EPS8: variants seen among roughly 807,000 people sequenced by gnomAD.
EPS8 encodes EGFR pathway substrate 8, signaling adaptor.
EPS8 carries 42 observed loss-of-function variants against 103.8 expected under a neutral mutation model. The ratio of observed to expected loss-of-function variants is 0.40; its 90% CI spans 0.32 to 0.52. The LOEUF (loss-of-function observed/expected upper bound fraction) is 0.52. Ranked by LOEUF, EPS8 falls within the 20% of genes least tolerant of loss-of-function variation. EPS8 has a pLI of 0.40. For missense variants in EPS8, 969 were observed against 1,005.1 expected, an observed-to-expected ratio of 0.96 and a Z score of 0.49; for synonymous variants, 344 against 344.6, an observed-to-expected ratio of 1.00 and a Z score of 0.02.
chr12:15,732,079 C>A (rs1228028378), intron 1 of EPS8, among the ~76,000 whole-genome samples: 1 of 152,124 alleles, frequency 6.6e-6, no homozygotes, highest in African/African-American at 2.4e-5. Flanking sequence ...AAAACTCTAA[C>A]CCTATTCCCA....
intron 1 of EPS8, among the ~76,000 whole-genome samples, chr12:15,712,211 T>G (rs1349370197): frequency 6.6e-6 from 1 of 152,102 alleles, no homozygotes; most frequent in Non-Finnish European, 1.5e-5. Flanking sequence ...TATTTAAACA[T>G]TTACAAGTTC....
intron 8 of EPS8, 90 bp downstream of exon 8, chr12:15,665,666 G>T: frequency 6.8e-7 from 1 of 1,480,878 alleles, no homozygotes; most frequent in Non-Finnish European, 9.4e-7. Flanking sequence ...TCAAGCTTCA[G>T]TTCTGAAATC....
At chr12:15,668,625 A>G (rs1434911025) in intron 6 of EPS8, among the ~76,000 whole-genome samples, 1 of 152,164 alleles carries the variant, frequency 6.6e-6, no homozygotes, top group Non-Finnish European at 1.5e-5. Flanking sequence ...TGGCTCAACT[A>G]TTTTCACATA....
In EPS8 at chr12:15,731,470, G is replaced by T. The variant is rs1321170582; in HGVS notation, c.-21-48498C>A. Among the ~76,000 whole-genome samples the T allele has an allele frequency of 2.6e-5, 4 of 151,992 alleles. No individual in the cohort carries two copies. Among genetic ancestry groups the T allele is most frequent in the Non-Finnish European group, 4.4e-5 (3 of 67,998 alleles). On this transcript the variant is annotated intron_variant, in intron 1 of 20. Coordinates refer to ENST00000281172, the MANE Select transcript of EPS8 (RefSeq NM_004447.6). The surrounding 1 kb of genome is among the most constrained non-coding windows in gnomAD (Gnocchi z 5.1). The stretch of plus-strand genomic sequence containing the variant: ...CTGCCACCACGCCTGGCTAATTTTT[G>T]TATTTTTAGTAGAAACGGGGTTTCA...
chr12:15,785,922 AATAT>A lies in EPS8; in HGVS notation c.-22+3235_-22+3238del, dbSNP rs138935696. Among the ~76,000 whole-genome samples the A allele has an allele frequency of 6.6e-6, 1 of 151,346 alleles. No homozygotes were observed. The highest frequency in any genetic ancestry group is 1.5e-5 in the Non-Finnish European group (1 of 67,760). On this transcript the variant is annotated intron_variant, in intron 1 of 20. Coordinates refer to ENST00000281172, the MANE Select transcript of EPS8 (RefSeq NM_004447.6). This position sits in a 1 kb window ranked among gnomAD's most constrained non-coding sequence, Gnocchi z 4.9. The stretch of plus-strand genomic sequence containing the variant: ...AGATAGATAGATTTTATATTTATAT[AATAT>A]ATATATATCCATGAGTCCAGAACAA...
chr12:15,677,412 C>T (rs1945927230), intron 3 of EPS8, among the ~76,000 whole-genome samples: 1 of 152,090 alleles, frequency 6.6e-6, no homozygotes, highest in Non-Finnish European at 1.5e-5. Context: ...TAGTGTCAGA[C>T]CTGAAAAGTG....
chr12:15,657,590 A>G (rs1945530175), intron 12 of EPS8, among the ~76,000 whole-genome samples: 1 of 152,176 alleles, frequency 6.6e-6, no homozygotes, highest in Admixed American at 6.6e-5. Context: ...GAAGGCTCTC[A>G]ATTTGTATTT....
intron 11 of EPS8, 39 bp from the exon 12 acceptor site, chr12:15,658,192 G>A: frequency 7.1e-7 from 1 of 1,410,162 alleles, no homozygotes; most frequent in Non-Finnish European, 1.0e-6. Flanking sequence ...TTACTATCAA[G>A]CAAGACAGAC....
chr12:15,740,236 C>A (rs1946805942), intron 1 of EPS8, among the ~76,000 whole-genome samples: 2 of 152,116 alleles, frequency 1.3e-5, no homozygotes, highest in Non-Finnish European at 1.5e-5. Flanking sequence ...CAAGCATACA[C>A]ACTAAGTTCA....
In EPS8 at chr12:15,736,139, A is replaced by C. The variant is rs905213924; in HGVS notation, c.-22+53022T>G. 1.3e-5 allele frequency among the ~76,000 whole-genome samples: 2 copies of C among 152,186 alleles called. No homozygotes were observed. Among genetic ancestry groups the C allele is most frequent in the Non-Finnish European group, 2.9e-5 (2 of 68,026 alleles). ...TGAGCTCAAGCAATCCTCCTGCCTC[A>C]GCCTGCTAAAGTGCTGGAATTACAA... is the stretch of plus-strand genomic sequence containing the variant. On this transcript the variant is annotated intron_variant, in intron 1 of 20. Transcript: ENST00000281172. This position sits in a 1 kb window ranked among gnomAD's most constrained non-coding sequence, Gnocchi z 4.2.
intron 1 of EPS8, among the ~76,000 whole-genome samples, chr12:15,753,123 C>A (rs1438590391): frequency 6.6e-6 from 1 of 151,938 alleles, no homozygotes; most frequent in African/African-American, 2.4e-5. Flanking sequence ...ACATGCACCA[C>A]CCCTACCACC....
At chr12:15,661,257 G>A (rs571643306) in intron 9 of EPS8, among the ~76,000 whole-genome samples, 1 of 152,264 alleles carries the variant, frequency 6.6e-6, no homozygotes, top group Admixed American at 6.5e-5. Context: ...TCACTGGAAT[G>A]AATTTGATTA....
At position 15,721,434 on chromosome 12, in the gene EPS8, A is replaced by T. The variant is rs1004143627; in HGVS notation, c.-21-38462T>A. ...AAGAAAGCAATACTGGAAAAACTAC[A>T]TAATACTCAGCTAAAAGAACGAGGT... is the stretch of plus-strand genomic sequence containing the variant. On this transcript the variant is annotated intron_variant, in intron 1 of 20. Transcript: ENST00000281172. The surrounding 1 kb of genome is among the most constrained non-coding windows in gnomAD (Gnocchi z 4.4). Among the ~76,000 whole-genome samples the T allele has an allele frequency of 6.6e-6, 1 of 152,198 alleles. No homozygotes were observed. The highest frequency in any genetic ancestry group is 6.5e-5 in the Admixed American group (1 of 15,280).
At chr12:15,719,139 T>G (rs565608960) in intron 1 of EPS8, among the ~76,000 whole-genome samples, 1 of 152,056 alleles carries the variant, frequency 6.6e-6, no homozygotes, top group African/African-American at 2.4e-5. Flanking sequence ...CAAGTTTAAT[T>G]CCAAAGCATG....
At position 15,696,850 on chromosome 12, in the gene EPS8, T is replaced by G. The variant is rs909394586; in HGVS notation, c.-21-13878A>C. Among the ~76,000 whole-genome samples the G allele has an allele frequency of 6.6e-6, 1 of 152,084 alleles. No individual in the cohort carries two copies. The highest frequency in any genetic ancestry group is 1.5e-5 in the Non-Finnish European group (1 of 68,026). ...AACCAAGCAGAAACACACCACTTTA[T>G]AGTGAATTAATAAGTGAAAAAAGGT... is the stretch of plus-strand genomic sequence containing the variant. On this transcript the variant is annotated intron_variant, in intron 1 of 20. Coordinates refer to ENST00000281172, the MANE Select transcript of EPS8 (RefSeq NM_004447.6). This position sits in a 1 kb window ranked among gnomAD's most constrained non-coding sequence, Gnocchi z 4.8.
At chr12:15,675,561 G>A (rs575037864) in intron 3 of EPS8, among the ~76,000 whole-genome samples, 5 of 152,182 alleles carry the variant, frequency 3.3e-5, no homozygotes, top group South Asian at 2.1e-4. Context: ...ACTGTGCCAC[G>A]GCACTCCAGC....
intron 1 of EPS8, among the ~76,000 whole-genome samples, chr12:15,786,631 T>C (rs1186437601): frequency 6.6e-6 from 1 of 152,114 alleles, no homozygotes; most frequent in Non-Finnish European, 1.5e-5. Flanking sequence ...TATTTGTAGC[T>C]TTCCTGTAAA....
rs537010915 is a variant in EPS8 at position 15,749,676 on chromosome 12, C to T, written c.-22+39485G>A. Among the ~76,000 whole-genome samples the T allele has an allele frequency of 1.3e-5, 2 of 152,242 alleles. No homozygotes were observed. Among genetic ancestry groups the T allele is most frequent in the Admixed American group, 1.3e-4 (2 of 15,296 alleles). On this transcript the variant is annotated intron_variant, in intron 1 of 20. Transcript: ENST00000281172. This position sits in a 1 kb window ranked among gnomAD's most constrained non-coding sequence, Gnocchi z 4.0. ...GGAAGAAAAATTAACCTAATCAAAA[C>T]AACATATATCATATTGTTCATAATA... is the stretch of plus-strand genomic sequence containing the variant.
At chr12:15,642,467 A>T (rs1945249654) in intron 15 of EPS8, among the ~76,000 whole-genome samples, 1 of 152,148 alleles carries the variant, frequency 6.6e-6, no homozygotes, top group Admixed American at 6.5e-5. Context: ...TCATTTTTTT[A>T]AAATAAAACT....
Sources: gnomAD v4.1 joint callset for allele counts (sites outside exome capture counted in the v4.1 genomes callset) on GRCh38, gnomAD v4.1.1 for gene constraint, Gnocchi (gnomAD v3.1) non-coding constraint, MANE v1.5 for transcripts, NCBI Gene and HGNC (gene_info 2026-07-23, HGNC 2026-07-21) for gene names.